KYNU: variants seen among roughly 807,000 people sequenced by gnomAD.
KYNU encodes the protein L-kynurenine hydrolase.
In KYNU, 54 loss-of-function variants were observed where a neutral mutation model predicts 59.2. The observed-to-expected ratio is 0.91, with a 90% CI of 0.73 to 1.14. The LOEUF is 1.14. KYNU is among the 50% of genes most tolerant of loss of function. KYNU has a pLI of 0.00. For missense variants in KYNU, 567 were observed against 554.4 expected, an observed-to-expected ratio of 1.02 and a Z score of -0.23; for synonymous variants, 177 against 192.0, an observed-to-expected ratio of 0.92 and a Z score of 0.65.
At chr2:142,940,299 G>A (rs1683556498) in intron 4 of KYNU, among the ~76,000 whole-genome samples, 1 of 152,114 alleles carries the variant, frequency 6.6e-6, no homozygotes, top group Non-Finnish European at 1.5e-5. Context: ...AACATAAACT[G>A]CATTCTAATC....
chr2:142,878,968 G>A (rs185745829), intron 1 of KYNU, among the ~76,000 whole-genome samples: 17 of 152,306 alleles, frequency 1.1e-4, no homozygotes, highest in Admixed American at 9.8e-4. Context: ...CATATGGTAT[G>A]TATGTCCCCC....
intron 10 of KYNU, among the ~76,000 whole-genome samples, chr2:142,994,920 C>T (rs370768212): frequency 6.6e-6 from 1 of 152,040 alleles, no homozygotes. Context: ...ATATGCATTT[C>T]CATATGCTTC....
At chr2:142,988,796 G>T in intron 10 of KYNU, 1 of 1,311,322 alleles carries the variant, frequency 7.6e-7, no homozygotes, top group Non-Finnish European at 1.1e-6. Context: ...TCTAGCCTTG[G>T]CTCTCTATTC....
At chr2:142,906,759 G>A (rs890132492) in intron 2 of KYNU, among the ~76,000 whole-genome samples, 1 of 152,142 alleles carries the variant, frequency 6.6e-6, no homozygotes, top group Non-Finnish European at 1.5e-5. Context: ...GACAGGTAGG[G>A]GCGCACACAT....
intron 7 of KYNU, among the ~76,000 whole-genome samples, chr2:142,958,784 G>T (rs181925105): frequency 6.6e-6 from 1 of 152,042 alleles, no homozygotes; most frequent in African/African-American, 2.4e-5. Context: ...GTATCCTGTC[G>T]TTGAAAAATG....
chr2:143,011,978 G>A (rs1215042056), intron 10 of KYNU, among the ~76,000 whole-genome samples: 2 of 148,166 alleles, frequency 1.3e-5, no homozygotes, highest in East Asian at 2.0e-4. Context: ...ACGAGTTAGT[G>A]GGTGCAGCGC....
chr2:142,963,147 AT>A (rs1179947580), intron 8 of KYNU, among the ~76,000 whole-genome samples: 1 of 152,214 alleles, frequency 6.6e-6, no homozygotes, highest in Non-Finnish European at 1.5e-5. Flanking sequence ...ATTGTGAAAA[AT>A]ATTTTAATTT....
chr2:142,945,777 G>A (rs1456409748), intron 4 of KYNU, among the ~76,000 whole-genome samples: 2 of 146,272 alleles, frequency 1.4e-5, no homozygotes, highest in Non-Finnish European at 3.0e-5. Flanking sequence ...AGTCTCTATC[G>A]CTCAGGCTGG....
At chr2:143,001,663 A>G (rs1685711226) in intron 10 of KYNU, among the ~76,000 whole-genome samples, 1 of 152,114 alleles carries the variant, frequency 6.6e-6, no homozygotes, top group South Asian at 2.1e-4. Context: ...TGCTATCTTG[A>G]TCACAGCTTC....
At chr2:142,962,019 C>G (rs553177634) in intron 8 of KYNU, among the ~76,000 whole-genome samples, 1 of 152,088 alleles carries the variant, frequency 6.6e-6, no homozygotes, top group Non-Finnish European at 1.5e-5. Context: ...ACTGCTTTGA[C>G]GGATAACTCT....
chr2:142,986,293 A>C (rs1685196793), intron 10 of KYNU, among the ~76,000 whole-genome samples: 1 of 151,972 alleles, frequency 6.6e-6, no homozygotes, highest in Non-Finnish European at 1.5e-5. Flanking sequence ...GGTTTAATGC[A>C]AAGAGACCAC....
chr2:142,889,889 T>C (rs1344735690), intron 2 of KYNU, among the ~76,000 whole-genome samples: 11 of 152,056 alleles, frequency 7.2e-5, no homozygotes, highest in Admixed American at 7.2e-4. Context: ...TTTTTTTTTT[T>C]AATCTTGAAG....
chr2:142,990,511 T>C (rs992995852), intron 10 of KYNU, among the ~76,000 whole-genome samples: 2 of 151,858 alleles, frequency 1.3e-5, no homozygotes, highest in Non-Finnish European at 2.9e-5. Context: ...TCTTTTTTTG[T>C]TAATAGAGAG....
intron 13 of KYNU, among the ~76,000 whole-genome samples, chr2:143,041,403 A>G (rs1217941150): frequency 1.3e-5 from 2 of 152,062 alleles, no homozygotes; most frequent in East Asian, 1.9e-4. Flanking sequence ...TGGAAAGTTC[A>G]TTAGGATCTA....
intron 4 of KYNU, among the ~76,000 whole-genome samples, chr2:142,931,903 T>C (rs527649800): frequency 7.9e-5 from 12 of 152,288 alleles, no homozygotes; most frequent in African/African-American, 2.9e-4. Flanking sequence ...TGGGGAATTA[T>C]ATGCATGATG....
At chr2:142,918,049 AAGAAGT>A (rs1682723757) in intron 2 of KYNU, among the ~76,000 whole-genome samples, 1 of 152,236 alleles carries the variant, frequency 6.6e-6, no homozygotes, top group Non-Finnish European at 1.5e-5. Context: ...TTATATGAAT[AAGAAGT>A]AGATGTAGAA....
chr2:142,975,121 A>G lies in KYNU; in HGVS notation c.730-9963A>G, dbSNP rs146637711. Among the ~76,000 whole-genome samples, 26 of 152,176 alleles carry G rather than the reference A, an allele frequency of 1.7e-4. 1 individual carries two copies. Among genetic ancestry groups the G allele is most frequent in the African/African-American group, 6.0e-4 (25 of 41,530 alleles). On this transcript the variant is annotated intron_variant, in intron 8 of 13. Coordinates refer to ENST00000264170, the MANE Select transcript of KYNU (RefSeq NM_003937.3). The stretch of plus-strand genomic sequence containing the variant: ...CAGTTATCCCTGTTTTCCTGCCTAA[A>G]TGTTGTTTTTTCCAAAACCACCCTG...
chr2:142,901,002 G>A (rs908802943), intron 2 of KYNU, among the ~76,000 whole-genome samples: 26 of 150,188 alleles, frequency 1.7e-4, no homozygotes, highest in African/African-American at 5.9e-4. Context: ...GCAGTGAGCC[G>A]AGATTGCACC....
Position 142,929,014 on chromosome 2 carries a change from AAAAAAAAAAAAC to A in KYNU, c.373+1280_373+1291del, listed in dbSNP as rs1293277325. On this transcript the variant is annotated intron_variant, in intron 4 of 13. Coordinates refer to ENST00000264170, the MANE Select transcript of KYNU (RefSeq NM_003937.3). ...CAGGGTGACACCCTGTCTCAAAAAA[AAAAAAAAAAAAC>A]AAAAAACGAACAACACTCACCTTCC... Among the ~76,000 whole-genome samples the A allele has an allele frequency of 6.6e-3, 979 of 148,990 alleles. 8 individuals are homozygous for A. The highest frequency in any genetic ancestry group is 0.023 in the African/African-American group (939 of 40,342).
Sources: allele counts gnomAD v4.1 joint callset (sites outside exome capture counted in the v4.1 genomes callset), GRCh38; gene constraint gnomAD v4.1.1; transcripts MANE v1.5; gene names NCBI Gene and HGNC (gene_info 2026-07-23, HGNC 2026-07-21).